OSBPL5: variants seen among roughly 807,000 people sequenced by gnomAD.
OSBPL5 encodes the protein oxysterol binding protein like 5, also known as oxysterol-binding protein-related protein 5.
Under a neutral mutation model 111.2 loss-of-function variants are expected in OSBPL5, and 71 were observed. The ratio of observed to expected loss-of-function variants is 0.64; its 90% CI spans 0.53 to 0.78. The LOEUF (loss-of-function observed/expected upper bound fraction) is 0.78, where lower values mean the gene tolerates loss of function less well. OSBPL5 is among the 30% of genes least tolerant of loss of function. OSBPL5 has a pLI of 0.00. For synonymous variants in OSBPL5, 549 were observed against 513.9 expected (o/e 1.07, Z -0.93); for missense variants, 1,210 against 1,189.3 (o/e 1.02, Z -0.26).
At position 3,162,048 on chromosome 11, in the gene OSBPL5, C is replaced by T. The variant is rs1043362855; in HGVS notation, c.-22+3168G>A. On this transcript the variant is annotated intron_variant, in intron 1 of 21. Transcript: ENST00000263650. The surrounding 1 kb of genome is among the most constrained non-coding windows in gnomAD (Gnocchi z 8.1). ...GAGGGGCATCTAGGGCCTGTGGGGT[C>T]TGGAAAGGGGTCAGGACTTACTGAG... Among the ~76,000 whole-genome samples, 13 of 151,886 alleles carry T rather than the reference C, an allele frequency of 8.6e-5. No homozygotes were observed. Among genetic ancestry groups the T allele is most frequent in the Non-Finnish European group, 1.8e-4 (12 of 67,984 alleles).
rs1361034375 is a variant in OSBPL5 at position 3,140,707 on chromosome 11, A to G, written c.-21-11538T>C. On this transcript the variant is annotated intron_variant, in intron 1 of 21. Coordinates refer to ENST00000263650, the MANE Select transcript of OSBPL5 (RefSeq NM_020896.4). This position sits in a 1 kb window ranked among gnomAD's most constrained non-coding sequence, Gnocchi z 4.5. ...CTGTAGGAGCCTTGTTTCCAAGACC[A>G]GAGAGGTCATAAGGTCACCTGCTGC... Among the ~76,000 whole-genome samples the G allele has an allele frequency of 1.3e-5, 2 of 152,168 alleles. No individual in the cohort carries two copies. The highest frequency in any genetic ancestry group is 2.9e-5 in the Non-Finnish European group (2 of 68,014).
intron 21 of OSBPL5, 26 bp from the exon 22 acceptor site, chr11:3,088,369 G>A: frequency 6.6e-7 from 1 of 1,507,774 alleles, no homozygotes; most frequent in Non-Finnish European, 8.8e-7. Flanking sequence ...ACAGATCGTG[G>A]GGGCTGTGCC....
rs568428651 is a variant in OSBPL5 at position 3,141,556 on chromosome 11, T to C, written c.-21-12387A>G. Among the ~76,000 whole-genome samples the C allele has an allele frequency of 2.0e-5, 3 of 152,298 alleles. No homozygotes were observed. Among genetic ancestry groups the C allele is most frequent in the South Asian group, 4.2e-4 (2 of 4,816 alleles). The stretch of plus-strand genomic sequence containing the variant: ...CAAAGTGTTCAGGAAATGGCATTAA[T>C]GGGGTCCATTATGGCCCGAGTTGCG... On this transcript the variant is annotated intron_variant, in intron 1 of 21. Coordinates refer to ENST00000263650, the MANE Select transcript of OSBPL5 (RefSeq NM_020896.4). This position sits in a 1 kb window ranked among gnomAD's most constrained non-coding sequence, Gnocchi z 6.5.
At chr11:3,095,385 T>C (rs1857222592) in intron 14 of OSBPL5, among the ~76,000 whole-genome samples, 1 of 150,924 alleles carries the variant, frequency 6.6e-6, no homozygotes, top group Admixed American at 6.6e-5. Context: ...GATCACTAAA[T>C]ATTATTTCCT....
Position 3,093,822 on chromosome 11 carries a change from C to T in OSBPL5, c.1733G>A (p.Gly578Asp), listed in dbSNP as rs765550978. 27 of 1,612,088 alleles carry T rather than the reference C, an allele frequency of 1.7e-5. No individual in the cohort carries two copies. The highest frequency in any genetic ancestry group is 1.6e-4 in the Middle Eastern group (1 of 6,084). ...LEFKLKPFFGGSTSINQISGK... is the reference protein window; with the variant it reads ...LEFKLKPFFGDSTSINQISGK... ...CGAGATCTGGTTGATGCTGGTGCTA[C>T]CCCCGAAGAAGGGCTGCGGGGCCAC... The change falls in exon 16 of 22, where the codon GGT (glycine) becomes GAT (aspartate). Residue 578 changes from glycine (G) to aspartate (D), a missense_variant. Coordinates refer to ENST00000263650, the MANE Select transcript of OSBPL5 (RefSeq NM_020896.4).
chr11:3,163,488 C>T (rs528117641), intron 1 of OSBPL5, among the ~76,000 whole-genome samples: 6 of 122,564 alleles, frequency 4.9e-5, no homozygotes, highest in Admixed American at 4.4e-4. Flanking sequence ...TGATACCAGG[C>T]ATTCTCAGCA....
At position 3,103,848 on chromosome 11, in the gene OSBPL5, T is replaced by TTCCTGCCTGTGCCGCCCCC. The variant is rs1230373198; in HGVS notation, c.1244+344_1244+345insGGGGGCGGCACAGGCAGGA. Among the ~76,000 whole-genome samples, 3 of 55,148 alleles carry TTCCTGCCTGTGCCGCCCCC rather than the reference T, an allele frequency of 5.4e-5. 1 individual carries two copies. The highest frequency in any genetic ancestry group is 2.0e-4 in the African/African-American group (3 of 15,366). The allele number at this position is 55,148 out of a possible 152,430, so 36.2% of individuals were successfully genotyped here. A position where few individuals can be genotyped will look rare whatever the true frequency, so the allele number is the denominator to read the frequency against. ...GCCCCCTTCCAGCCTCTGCAGCCCCTTTCCAGTCTGCGCAGCCCCCTTCCT... is the reference window on the plus strand; with the variant it reads ...GCCCCCTTCCAGCCTCTGCAGCCCCTTCCTGCCTGTGCCGCCCCCTTCCAGTCTGCGCAGCCCCCTTCCT... On this transcript the variant is annotated intron_variant, in intron 10 of 21. Coordinates refer to ENST00000263650, the MANE Select transcript of OSBPL5 (RefSeq NM_020896.4).
intron 1 of OSBPL5, among the ~76,000 whole-genome samples, chr11:3,143,536 A>G (rs1846217248): frequency 6.6e-6 from 1 of 152,234 alleles, no homozygotes; most frequent in African/African-American, 2.4e-5. Context: ...GGCAGGAAGC[A>G]CGGCACTCAC....
At chr11:3,120,740 CCCCT>C in intron 5 of OSBPL5, 116 bp from the exon 6 acceptor site, 1 of 1,081,478 alleles carries the variant, frequency 9.2e-7, no homozygotes, top group Non-Finnish European at 1.3e-6. Flanking sequence ...AGGGGCCCTT[CCCCT>C]CCCTCACTCC....
intron 1 of OSBPL5, 103 bp from the exon 2 acceptor site, chr11:3,129,272 G>T: frequency 1.8e-6 from 2 of 1,133,502 alleles, no homozygotes; most frequent in Non-Finnish European, 2.3e-6. Context: ...CCTCTCAGGG[G>T]ACTTCTGAGG....
chr11:3,092,544 T>C lies in OSBPL5; in HGVS notation c.2147A>G (p.Asp716Gly). 1 of 1,590,766 alleles carries C rather than the reference T, an allele frequency of 6.3e-7. No homozygotes were observed. The highest frequency in any genetic ancestry group is 8.6e-7 in the Non-Finnish European group (1 of 1,168,722). ...HYRYEDHSPW[D>G]PLKDIAQFEQ... ...AAACTGGGCGATGTCCTTCAGGGGG[T>C]CCCAGGGGCTGTGGCTGGAGGGTCC... The change falls in exon 19 of 22, where the codon GAC (aspartate) becomes GGC (glycine). Residue 716 changes from aspartate (D) to glycine (G), a missense_variant. Coordinates refer to ENST00000263650, the MANE Select transcript of OSBPL5 (RefSeq NM_020896.4). The surrounding 1 kb of genome is among the most constrained non-coding windows in gnomAD (Gnocchi z 5.4).
At chr11:3,152,335 C>T (rs1232408608) in intron 1 of OSBPL5, among the ~76,000 whole-genome samples, 1 of 152,208 alleles carries the variant, frequency 6.6e-6, no homozygotes, top group Non-Finnish European at 1.5e-5. Flanking sequence ...TATAAAGGTA[C>T]TTCAAAAAGA....
In OSBPL5 at chr11:3,106,016, C is replaced by T. The variant is rs115588267; in HGVS notation, c.1059+1247G>A. ...CCCCCGCCCCTCGGCTGTCCCGAGG[C>T]CCTTGCCTAACCCGCCGGTGGCTTC... On this transcript the variant is annotated intron_variant, in intron 9 of 21. Transcript: ENST00000263650. This position sits in a 1 kb window ranked among gnomAD's most constrained non-coding sequence, Gnocchi z 8.4. 0.015 allele frequency among the ~76,000 whole-genome samples: 2,241 copies of T among 152,274 alleles called. 51 individuals are homozygous for T. Among genetic ancestry groups the T allele is most frequent in the African/African-American group, 0.051 (2,138 of 41,564 alleles).
rs1857754273 is a variant in OSBPL5 at position 3,107,651 on chromosome 11, G to A, written c.866+120C>T. The A allele has an allele frequency of 7.0e-7, 1 of 1,423,200 alleles. No homozygotes were observed. Among genetic ancestry groups the A allele is most frequent in the Non-Finnish European group, 9.6e-7 (1 of 1,039,124 alleles). The allele number at this position is 1,423,200 out of a possible 1,614,324, so 88.2% of individuals were successfully genotyped here. A position where few individuals can be genotyped will look rare whatever the true frequency, so the allele number is the denominator to read the frequency against. On this transcript the variant is annotated intron_variant, in intron 8 of 21. Transcript: ENST00000263650. The surrounding 1 kb of genome is among the most constrained non-coding windows in gnomAD (Gnocchi z 6.1). ...TCCCAGGGCACACTGCAGCGAACAA[G>A]TCCCTGCGTGCAGCCTGCAGCCCAC...
chr11:3,120,282 G>A, intron 6 of OSBPL5, 139 bp downstream of exon 6: 1 of 1,023,090 alleles, frequency 9.8e-7, no homozygotes, highest in Non-Finnish European at 1.4e-6. Flanking sequence ...CCGCATGTGG[G>A]GCTCAGAGAA....
At position 3,124,180 on chromosome 11, in the gene OSBPL5, C is replaced by T. The variant is rs540350676; in HGVS notation, c.220-1752G>A. ...GCACAGAGAGGTTCAGAAACCTGCC[C>T]AAGGTCACACAGCTAATAAGGAGCT... On this transcript the variant is annotated intron_variant, in intron 3 of 21. Transcript: ENST00000263650. Among the ~76,000 whole-genome samples the T allele has an allele frequency of 3.0e-3, 461 of 152,288 alleles. 2 individuals are homozygous for T. The highest frequency in any genetic ancestry group is 0.01 in the African/African-American group (435 of 41,558).
chr11:3,096,947 G>C (rs11025362), intron 14 of OSBPL5, among the ~76,000 whole-genome samples: 102,866 of 126,820 alleles, frequency 0.81, 39,781 homozygotes, highest in South Asian at 0.86. Flanking sequence ...AAAGAGGGAG[G>C]AGATGGGAGG....
In OSBPL5 at chr11:3,103,326, A is replaced by G. The variant is rs111262381; in HGVS notation, c.1245-6T>C. On this transcript the variant is annotated splice_polypyrimidine_tract_variant and splice_region_variant and intron_variant, in intron 10 of 21. Coordinates refer to ENST00000263650, the MANE Select transcript of OSBPL5 (RefSeq NM_020896.4). ...CATCCTCCTCCACCGCAGCCCTGCC[A>G]TGGGGCAGGAGAACGCTGACCCCAG... 1.3e-3 allele frequency: 2,076 copies of G among 1,601,280 alleles called. 29 individuals are homozygous for G. In the African/African-American group the frequency reaches 0.025, roughly 19 times the overall value.
intron 14 of OSBPL5, among the ~76,000 whole-genome samples, chr11:3,095,140 CGATG>C (rs146824249): frequency 0.042 from 6,373 of 151,818 alleles, 452 homozygotes; most frequent in African/African-American, 0.15. Context: ...CCCATGAGCA[CGATG>C]GAAAGCTATG....
Sources: gnomAD v4.1 joint callset for allele counts (sites outside exome capture counted in the v4.1 genomes callset) on GRCh38, gnomAD v4.1.1 for gene constraint, Gnocchi (gnomAD v3.1) non-coding constraint, MANE v1.5 for transcripts, NCBI Gene and HGNC (gene_info 2026-07-23, HGNC 2026-07-21) for gene names.